Variants in HDAC9 observed in about 807,000 individuals in gnomAD.
HDAC9 encodes the protein MEF-2 interacting transcription repressor (MITR) protein.
Under a neutral mutation model 139.4 loss-of-function variants are expected in HDAC9, and 41 were observed. The ratio of observed to expected loss-of-function variants is 0.29; its 90% CI spans 0.23 to 0.38. The LOEUF (loss-of-function observed/expected upper bound fraction) is 0.38. Ranked by LOEUF, HDAC9 falls within the 10% of genes least tolerant of loss-of-function variation. The pLI is 1.00. For synonymous variants in HDAC9, 517 were observed against 476.2 expected (o/e 1.09, Z -1.12); for missense variants, 1,147 against 1,297.0 (o/e 0.88, Z 1.78).
At chr7:18,412,539 A>T (rs964456917) in intron 1 of HDAC9, among the ~76,000 whole-genome samples, 1 of 152,208 alleles carries the variant, frequency 6.6e-6, no homozygotes, top group Non-Finnish European at 1.5e-5. Context: ...TAGGAATCCT[A>T]TGATGAAGAC....
chr7:18,225,475 C>T (rs1209083470), intron 2 of HDAC9, among the ~76,000 whole-genome samples: 1 of 152,110 alleles, frequency 6.6e-6, no homozygotes, highest in Non-Finnish European at 1.5e-5. Flanking sequence ...AAGCTATTGA[C>T]ATATAATCCT....
intron 25 of HDAC9, among the ~76,000 whole-genome samples, chr7:18,991,630 C>A (rs1345612392): frequency 2.0e-5 from 3 of 150,496 alleles, no homozygotes; most frequent in Non-Finnish European, 4.4e-5. Flanking sequence ...GTGAGAGACT[C>A]CGTCTCAAAA....
chr7:18,360,489 A>G (rs560652909), intron 1 of HDAC9, among the ~76,000 whole-genome samples: 1 of 152,254 alleles, frequency 6.6e-6, no homozygotes, highest in South Asian at 2.1e-4. Flanking sequence ...TTAGCCATAA[A>G]TTTCCAGAGG....
chr7:18,573,859 C>T (rs2128750609), intron 2 of HDAC9, among the ~76,000 whole-genome samples: 1 of 152,318 alleles, frequency 6.6e-6, no homozygotes, highest in Non-Finnish European at 1.5e-5. Flanking sequence ...CCCCCTGGCT[C>T]AGGGAGCCCC....
chr7:18,473,833 A>C (rs922080265), intron 1 of HDAC9, among the ~76,000 whole-genome samples: 1 of 152,234 alleles, frequency 6.6e-6, no homozygotes, highest in East Asian at 1.9e-4. Flanking sequence ...AATAGTTCAG[A>C]AATCAAACCC....
intron 6 of HDAC9, among the ~76,000 whole-genome samples, chr7:18,595,591 A>C (rs1264672892): frequency 1.3e-5 from 2 of 152,002 alleles, no homozygotes; most frequent in Non-Finnish European, 2.9e-5. Flanking sequence ...GAATCTAAGG[A>C]GTTACTAAAA....
chr7:18,974,103 C>T (rs1207699801), intron 24 of HDAC9, among the ~76,000 whole-genome samples: 1 of 152,134 alleles, frequency 6.6e-6, no homozygotes, highest in African/African-American at 2.4e-5. Context: ...TTGACGGTCA[C>T]CCAGTAAAAC....
chr7:18,938,479 C>T (rs1781806571), intron 23 of HDAC9, among the ~76,000 whole-genome samples: 1 of 151,398 alleles, frequency 6.6e-6, no homozygotes, highest in African/African-American at 2.4e-5. Context: ...CCTGTAGTCC[C>T]AGCTACTCCG....
intron 1 of HDAC9, among the ~76,000 whole-genome samples, chr7:18,362,051 G>A (rs1307306529): frequency 6.6e-6 from 1 of 152,186 alleles, no homozygotes; most frequent in Non-Finnish European, 1.5e-5. Context: ...GTCACCAGAG[G>A]GGGAGCAAAT....
intron 8 of HDAC9, 92 bp downstream of exon 8, chr7:18,634,834 C>T (rs968584576): frequency 6.7e-6 from 5 of 742,598 alleles, no homozygotes; most frequent in South Asian, 1.8e-5. Flanking sequence ...CCTTCAATAT[C>T]CAAATGATAT....
rs953652646 is a variant in HDAC9 at position 18,995,968 on chromosome 7, A to G, written c.3171-55A>G. On this transcript the variant is annotated intron_variant, in intron 25 of 25. Transcript: ENST00000686413. Reference sequence around the variant, plus strand: ...CAGCTTTGATTATGCATGAAAATCTACAATGTCATTGTGTACTCTTATGCC... The same window carrying G: ...CAGCTTTGATTATGCATGAAAATCTGCAATGTCATTGTGTACTCTTATGCC... The G allele has an allele frequency of 2.9e-6, 4 of 1,362,796 alleles. No homozygotes were observed. In the African/African-American group the frequency reaches 4.3e-5, roughly 15 times the overall value. 84.4% of individuals were successfully genotyped at this position (1,362,796 alleles called of 1,614,324 possible).
intron 1 of HDAC9, among the ~76,000 whole-genome samples, chr7:18,317,999 G>T (rs909908000): frequency 3.9e-5 from 6 of 152,278 alleles, no homozygotes; most frequent in African/African-American, 1.2e-4. Context: ...CAGAAAATAT[G>T]ATAATGGTTG....
chr7:18,666,799 T>C (rs1795001774), intron 12 of HDAC9: 2 of 1,109,136 alleles, frequency 1.8e-6, no homozygotes, highest in Non-Finnish European at 2.2e-6. Context: ...GCTACACCAA[T>C]TACTTCTAAA....
intron 13 of HDAC9, among the ~76,000 whole-genome samples, chr7:18,744,849 G>T (rs1351421011): frequency 6.6e-6 from 1 of 151,950 alleles, no homozygotes; most frequent in African/African-American, 2.4e-5. Context: ...AGGATTTCTT[G>T]TATGTAAAAA....
intron 16 of HDAC9, among the ~76,000 whole-genome samples, chr7:18,786,912 G>T (rs17150253): frequency 1.4e-5 from 2 of 146,386 alleles, no homozygotes; most frequent in African/African-American, 2.5e-5. Context: ...GCACATTACC[G>T]ATATTCTGGG....
chr7:18,704,091 G>C (rs556333608), intron 12 of HDAC9, among the ~76,000 whole-genome samples: 12 of 152,262 alleles, frequency 7.9e-5, no homozygotes, highest in South Asian at 4.1e-4. Flanking sequence ...CATGTAACTG[G>C]CATTTGCTAG....
chr7:18,262,227 T>G (rs1021317959), intron 2 of HDAC9, among the ~76,000 whole-genome samples: 22 of 152,170 alleles, frequency 1.4e-4, no homozygotes, highest in Non-Finnish European at 2.9e-4. Flanking sequence ...ACAAGAGAGA[T>G]AATCTTGAAA....
chr7:18,427,671 C>T (rs1405233367), intron 1 of HDAC9, among the ~76,000 whole-genome samples: 1 of 151,290 alleles, frequency 6.6e-6, no homozygotes, highest in Non-Finnish European at 1.5e-5. Context: ...CCTCTCATCG[C>T]CCACCCTGGA....
intron 21 of HDAC9, among the ~76,000 whole-genome samples, chr7:18,870,481 CAG>C (rs1162670683): frequency 2.6e-5 from 4 of 152,088 alleles, no homozygotes; most frequent in African/African-American, 9.7e-5. Flanking sequence ...TGCATCATAT[CAG>C]GGAGTATTGA....
Sources: gnomAD v4.1 joint callset for allele counts (sites outside exome capture counted in the v4.1 genomes callset) on GRCh38, gnomAD v4.1.1 for gene constraint, MANE v1.5 for transcripts, NCBI Gene and HGNC (gene_info 2026-07-23, HGNC 2026-07-21) for gene names.